The following COX6B2 variants were observed in gnomAD, a reference collection of about 807,000 sequenced individuals.
COX6B2 encodes COX VIb-2.
Under a neutral mutation model 13.7 loss-of-function variants are expected in COX6B2, and 12 were observed. The observed-to-expected ratio is 0.87, with a 90% CI of 0.56 to 1.41. The LOEUF (loss-of-function observed/expected upper bound fraction) is 1.41. COX6B2 is among the 40% of genes most tolerant of loss of function. The pLI, the probability that COX6B2 is intolerant of heterozygous loss-of-function variation, is 0.00. For missense variants in COX6B2, 130 were observed against 118.3 expected (o/e 1.10, Z -0.46); for synonymous variants, 56 against 46.6 (o/e 1.20, Z -0.82).
chr19:55,353,842 C>T, intron 3 of COX6B2, 24 bp downstream of exon 3: 1 of 1,583,690 alleles, frequency 6.3e-7, no homozygotes, highest in East Asian at 2.3e-5. Flanking sequence ...CACGCCTGGC[C>T]CGGCGCCCCC....
Position 55,353,703 on chromosome 19 carries a change from G to A in COX6B2, c.*18C>T. The A allele has an allele frequency of 6.2e-7, 1 of 1,607,326 alleles. No individual in the cohort carries two copies. The highest frequency in any genetic ancestry group is 8.5e-7 in the Non-Finnish European group (1 of 1,176,796). On this transcript the variant is annotated 3_prime_UTR_variant, in exon 4 of 5. Transcript: ENST00000326529. ...ATGCAGGATCACTGCATCTTCAGAG[G>A]AAGCCGCGCTGGGGCAGTCAGATTT...
At chr19:55,354,026 C>A in intron 2 of COX6B2, 60 bp from the exon 3 acceptor site, 1 of 1,407,280 alleles carries the variant, frequency 7.1e-7, no homozygotes, top group South Asian at 1.3e-5. Context: ...ACCCGCCCCT[C>A]CACTGCTCGG....
intron 2 of COX6B2, chr19:55,354,193 G>A: frequency 1.6e-6 from 1 of 629,358 alleles, no homozygotes; most frequent in Non-Finnish European, 2.8e-6. Context: ...TCACGACTCG[G>A]CCCCGCACCT....
intron 4 of COX6B2, among the ~76,000 whole-genome samples, chr19:55,351,142 A>G (rs574626999): frequency 1.3e-5 from 2 of 152,300 alleles, no homozygotes; most frequent in Non-Finnish European, 2.9e-5. Context: ...TAGAGACCCC[A>G]CACACTGTGA....
In COX6B2 at chr19:55,354,488, C is replaced by T; in HGVS notation, c.34G>A (p.Gly12Arg). The change falls in exon 2 of 5, where the codon GGG becomes AGG. Residue 12 changes from glycine to arginine, a missense_variant. Physicochemically the swap from Gly to Arg is moderately radical, Grantham distance 125. Coordinates refer to ENST00000326529, the MANE Select transcript of COX6B2 (RefSeq NM_144613.5). The part of the protein sequence containing the change: ...LDVEAQEPPK[G>R]KWSTPPFDPR... Reference sequence around the variant, plus strand: ...TCGAAGGGCGGCGTCGACCATTTCCCCTTGGGGGGCTCCTGGGCTTCCACA... The same window carrying T: ...TCGAAGGGCGGCGTCGACCATTTCCTCTTGGGGGGCTCCTGGGCTTCCACA... The T allele has an allele frequency of 1.2e-6, 2 of 1,613,682 alleles. No homozygotes were observed. Among genetic ancestry groups the T allele is most frequent in the Non-Finnish European group, 1.7e-6 (2 of 1,179,746 alleles).
chr19:55,353,875 G>T lies in COX6B2; in HGVS notation c.204C>A (p.Pro68=). Residue 68 remains proline (P), a synonymous_variant, in exon 3 of 5, where the codon CCC becomes CCA. Coordinates refer to ENST00000326529, the MANE Select transcript of COX6B2 (RefSeq NM_144613.5). The part of the protein sequence containing the change: ...YYFRVYHSLC[P]ISWVESWNEQ... ...CCCTCTGCCGACTCACCCAGCTGAT[G>T]GGGCACAGCGAGTGGTACACGCGGA... 1.3e-5 allele frequency: 21 copies of T among 1,575,362 alleles called. No individual in the cohort carries two copies. The highest frequency in any genetic ancestry group is 2.3e-5 in the East Asian group (1 of 43,026).
At chr19:55,354,238 C>A in intron 2 of COX6B2, 172 bp downstream of exon 2, 1 of 672,310 alleles carries the variant, frequency 1.5e-6, no homozygotes, top group Admixed American at 2.4e-5. Context: ...AACCTCGCCC[C>A]GCCCCTCCAG....
rs886899102 is a variant in COX6B2 at position 55,350,462 on chromosome 19, G to C, written c.*453C>G. The C allele has an allele frequency of 6.6e-6, 1 of 152,356 alleles. No homozygotes were observed. The highest frequency in any genetic ancestry group is 1.5e-5 in the Non-Finnish European group (1 of 68,122). 9.4% of individuals were successfully genotyped at this position (152,356 alleles called of 1,614,324 possible). ...TCCCTGTCCTTGTCGCAGCATGGAG[G>C]GTCAGGACAGCCTTAGGGACGTGGG... On this transcript the variant is annotated 3_prime_UTR_variant, in exon 5 of 5. Transcript: ENST00000326529. The surrounding 1 kb of genome is among the most constrained non-coding windows in gnomAD (Gnocchi z 4.2).
At chr19:55,354,303 C>A (rs2089693159) in intron 2 of COX6B2, 107 bp downstream of exon 2, 5 of 1,046,702 alleles carry the variant, frequency 4.8e-6, no homozygotes, top group Non-Finnish European at 7.4e-6. Context: ...CGGCCCCGCC[C>A]GGCCTCCCAC....
At position 55,350,574 on chromosome 19, in the gene COX6B2, C is replaced by G. The variant is rs2123211844; in HGVS notation, c.*341G>C. 6.6e-6 allele frequency: 1 copy of G among 152,496 alleles called. No homozygotes were observed. The highest frequency in any genetic ancestry group is 1.9e-4 in the East Asian group (1 of 5,184). The allele number at this position is 152,496 out of a possible 1,614,324, so 9.4% of individuals were successfully genotyped here. On this transcript the variant is annotated 3_prime_UTR_variant, in exon 5 of 5. Transcript: ENST00000326529. The surrounding 1 kb of genome is among the most constrained non-coding windows in gnomAD (Gnocchi z 4.2). ...TGGCGTCCCTCAGCTGCAGGGGACC[C>G]TGGCTTCCACGAAGTTGGAGGCGTT...
rs763794883 is a variant in COX6B2 at position 55,353,687 on chromosome 19, C to T, written c.*34G>A. 6.3e-7 allele frequency: 1 copy of T among 1,596,424 alleles called. No individual in the cohort carries two copies. Among genetic ancestry groups the T allele is most frequent in the Non-Finnish European group, 8.5e-7 (1 of 1,169,908 alleles). ...TCCGCGAGACAAAAAGATGCAGGAT[C>T]ACTGCATCTTCAGAGGAAGCCGCGC... On this transcript the variant is annotated 3_prime_UTR_variant, in exon 4 of 5. Coordinates refer to ENST00000326529, the MANE Select transcript of COX6B2 (RefSeq NM_144613.5).
At chr19:55,351,412 G>A (rs1347204854) in intron 4 of COX6B2, among the ~76,000 whole-genome samples, 2 of 152,112 alleles carry the variant, frequency 1.3e-5, no homozygotes, top group Admixed American at 6.6e-5. Flanking sequence ...GAGAGGAGGC[G>A]AAGCTGCGGC....
Position 55,353,659 on chromosome 19 carries a change from G to A in COX6B2, c.*62C>T. ...GTAGGGGTGGATAACCGAGACCCGG[G>A]GCTCCGCGAGACAAAAAGATGCAGG... On this transcript the variant is annotated 3_prime_UTR_variant, in exon 4 of 5. Coordinates refer to ENST00000326529, the MANE Select transcript of COX6B2 (RefSeq NM_144613.5). 1.3e-6 allele frequency: 2 copies of A among 1,518,902 alleles called. No individual in the cohort carries two copies. The highest frequency in any genetic ancestry group is 1.8e-6 in the Non-Finnish European group (2 of 1,111,526). 94.1% of individuals were successfully genotyped at this position (1,518,902 alleles called of 1,614,324 possible).
rs191849717 is a variant in COX6B2 at position 55,350,430 on chromosome 19, C to T, written c.*485G>A. 1.0e-3 allele frequency: 158 copies of T among 152,458 alleles called. 2 individuals are homozygous for T. The highest frequency in any genetic ancestry group is 8.1e-3 in the East Asian group (42 of 5,182). 9.4% of individuals were successfully genotyped at this position (152,458 alleles called of 1,614,324 possible). On this transcript the variant is annotated 3_prime_UTR_variant, in exon 5 of 5. Transcript: ENST00000326529. The surrounding 1 kb of genome is among the most constrained non-coding windows in gnomAD (Gnocchi z 4.2). ...GGGGAGACACCAGGCCCATAGTGAC[C>T]GACCATTCCCTGTCCTTGTCGCAGC... is the stretch of plus-strand genomic sequence containing the variant.
At position 55,353,658 on chromosome 19, in the gene COX6B2, G is replaced by A. The variant is rs2089685038; in HGVS notation, c.*63C>T. 1 of 1,515,148 alleles carries A rather than the reference G, an allele frequency of 6.6e-7. No homozygotes were observed. Among genetic ancestry groups the A allele is most frequent in the Non-Finnish European group, 9.0e-7 (1 of 1,108,580 alleles). The allele number at this position is 1,515,148 out of a possible 1,614,324, so 93.9% of individuals were successfully genotyped here. A position where few individuals can be genotyped will look rare whatever the true frequency, so the allele number is the denominator to read the frequency against. Reference sequence around the variant, plus strand: ...GGTAGGGGTGGATAACCGAGACCCGGGGCTCCGCGAGACAAAAAGATGCAG... The same window carrying A: ...GGTAGGGGTGGATAACCGAGACCCGAGGCTCCGCGAGACAAAAAGATGCAG... On this transcript the variant is annotated 3_prime_UTR_variant, in exon 4 of 5. Coordinates refer to ENST00000326529, the MANE Select transcript of COX6B2 (RefSeq NM_144613.5).
In COX6B2 at chr19:55,353,956, G is replaced by T. The variant is rs951004902; in HGVS notation, c.123C>A (p.Arg41=). Residue 41 remains arginine (R), a synonymous_variant, in exon 3 of 5, where the codon CGC becomes CGA. Transcript: ENST00000326529. ...NCYQNFLDYH[R]CLKTRTRRGK... is the part of the protein sequence containing the mutation. ...CGCGGCGGGTCCTGGTCTTGAGGCAGCGGTGGTAGTCTGTGGCGGGCGGGG... is the reference window on the plus strand; with the variant it reads ...CGCGGCGGGTCCTGGTCTTGAGGCATCGGTGGTAGTCTGTGGCGGGCGGGG... The T allele has an allele frequency of 3.2e-6, 5 of 1,551,196 alleles. No individual in the cohort carries two copies. The highest frequency in any genetic ancestry group is 1.9e-5 in the Admixed American group (1 of 51,954).
At chr19:55,354,148 C>A (rs1349684921) in intron 2 of COX6B2, 182 bp from the exon 3 acceptor site, 1 of 654,980 alleles carries the variant, frequency 1.5e-6, no homozygotes. Flanking sequence ...CTCCTCCTAC[C>A]CAGACCCTGC....
chr19:55,353,869 G>C lies in COX6B2; in HGVS notation c.210C>G (p.Ser70Arg). The C allele has an allele frequency of 6.3e-7, 1 of 1,576,874 alleles. No individual in the cohort carries two copies. Among genetic ancestry groups the C allele is most frequent in the Non-Finnish European group, 8.6e-7 (1 of 1,162,024 alleles). The change falls in exon 3 of 5, where the codon AGC becomes AGG. Residue 70 changes from serine to arginine, a missense_variant. Ser to Arg is a moderately radical substitution (Grantham distance 110). Coordinates refer to ENST00000326529, the MANE Select transcript of COX6B2 (RefSeq NM_144613.5). ...FRVYHSLCPI[S>R]WVESWNEQIK... The stretch of plus-strand genomic sequence containing the variant: ...GGCGCCCCCTCTGCCGACTCACCCA[G>C]CTGATGGGGCACAGCGAGTGGTACA...
At chr19:55,354,285 C>CACCAACCCGGCCCCGCCCCA in intron 2 of COX6B2, 125 bp downstream of exon 2, 1 of 891,154 alleles carries the variant, frequency 1.1e-6, no homozygotes, top group African/African-American at 1.7e-5. Context: ...GCCCCGCCCC[C>CACCAACCCGGCCCCGCCCCA]ACCAACCCGG....
Sources: gnomAD v4.1 joint callset for allele counts (sites outside exome capture counted in the v4.1 genomes callset) on GRCh38, gnomAD v4.1.1 for gene constraint, Gnocchi (gnomAD v3.1) non-coding constraint, MANE v1.5 for transcripts, NCBI Gene and HGNC (gene_info 2026-07-23, HGNC 2026-07-21) for gene names.